The following LCMT1 variants were observed in gnomAD, a reference collection of about 807,000 sequenced individuals.
The protein encoded by LCMT1 is [Phosphatase 2A protein]-leucine-carboxy methyltransferase 1.
In LCMT1, 32 loss-of-function variants were observed where a neutral mutation model predicts 47.7. That is an observed-to-expected ratio of 0.67 (90% CI 0.51 to 0.90). The LOEUF is 0.90. Among genes scored for constraint, LCMT1 ranks in the 40% least tolerant of loss-of-function variants. The probability of loss-of-function intolerance (pLI) is 0.00; values close to 1 mark genes in which losing one functional copy is unlikely to be tolerated. For missense variants in LCMT1, 375 were observed against 415.2 expected (o/e 0.90, Z 0.84); for synonymous variants, 152 against 149.7 (o/e 1.02, Z -0.11).
chr16:25,166,027 G>C (rs1447100376), intron 7 of LCMT1, among the ~76,000 whole-genome samples: 1 of 151,850 alleles, frequency 6.6e-6, no homozygotes, highest in Non-Finnish European at 1.5e-5. Context: ...CAGCACTTTA[G>C]GGAGGCCAAG....
intron 7 of LCMT1, among the ~76,000 whole-genome samples, chr16:25,166,939 G>T (rs1961607184): frequency 6.6e-6 from 1 of 152,180 alleles, no homozygotes; most frequent in South Asian, 2.1e-4. Context: ...TTGCTTTCAG[G>T]ATAACCACAT....
intron 10 of LCMT1, among the ~76,000 whole-genome samples, chr16:25,177,348 C>T (rs1453203407): frequency 1.1e-4 from 16 of 152,100 alleles, no homozygotes; most frequent in Admixed American, 9.8e-4. Flanking sequence ...TTTTCCCTTC[C>T]CCTCTATTTC....
At chr16:25,140,434 C>T (rs1960650661) in intron 4 of LCMT1, 187 bp downstream of exon 4, 5 of 588,776 alleles carry the variant, frequency 8.5e-6, no homozygotes, top group Non-Finnish European at 1.2e-5. Flanking sequence ...ATGCAATATA[C>T]ATTTCCTTAT....
At chr16:25,123,884 C>T (rs1017345184) in intron 1 of LCMT1, among the ~76,000 whole-genome samples, 2 of 152,160 alleles carry the variant, frequency 1.3e-5, no homozygotes, top group African/African-American at 4.8e-5. Flanking sequence ...GCTGGGATCA[C>T]AAGCGTGAGC....
chr16:25,168,972 C>T (rs972259391), intron 7 of LCMT1, 140 bp from the exon 8 acceptor site: 14 of 637,278 alleles, frequency 2.2e-5, no homozygotes, highest in Non-Finnish European at 3.1e-5. Flanking sequence ...TGCTGGTGCC[C>T]GCCCCTCAGT....
rs767828759 is a variant in LCMT1, at chr16:25,161,143, G to A, written c.508G>A (p.Ala170Thr). The change falls in exon 6 of 11, where the codon GCA (alanine) becomes ACA (threonine). Residue 170 changes from alanine to threonine, a missense_variant. Physicochemically the swap from Ala to Thr is moderately conservative, Grantham distance 58 (BLOSUM62 0). Coordinates refer to ENST00000399069, the MANE Select transcript of LCMT1 (RefSeq NM_016309.3). ...TTCAAAGAGATATGCCGTTATTGGA[G>A]CAGATCTCCGAGACCTGTCTGAACT... ...LDSKRYAVIG[A>T]DLRDLSELEE... The A allele has an allele frequency of 1.2e-6, 2 of 1,611,150 alleles. No individual in the cohort carries two copies. The highest frequency in any genetic ancestry group is 4.5e-5 in the East Asian group (2 of 44,834).
At position 25,164,686 on chromosome 16, in the gene LCMT1, T is replaced by G. The variant is rs1484412703; in HGVS notation, c.658T>G (p.Phe220Val). 1 of 1,614,012 alleles carries G rather than the reference T, an allele frequency of 6.2e-7. No homozygotes were observed. The highest frequency in any genetic ancestry group is 1.3e-5 in the African/African-American group (1 of 75,064). Reference sequence around the variant, plus strand: ...CCTCCTGAAGTGGGCAGCCAACAGTTTTGAGAGAGCCATGTTCATAAACTA... The same window carrying G: ...CCTCCTGAAGTGGGCAGCCAACAGTGTTGAGAGAGCCATGTTCATAAACTA... Reference protein sequence around the residue: ...ANLLKWAANSFERAMFINYEQ... With the variant: ...ANLLKWAANSVERAMFINYEQ... Residue 220 changes from phenylalanine (F) to valine (V), a missense_variant, in exon 7 of 11, where the codon TTT becomes GTT. Phe to Val is a conservative substitution (Grantham distance 50). Transcript: ENST00000399069.
At chr16:25,128,437 A>C (rs1329075339) in intron 1 of LCMT1, 38 bp from the exon 2 acceptor site, 6 of 1,488,490 alleles carry the variant, frequency 4.0e-6, no homozygotes, top group Non-Finnish European at 5.5e-6. Context: ...GAACCTACTC[A>C]ATCTCTACTC....
At chr16:25,121,527 CA>C (rs1280284995) in intron 1 of LCMT1, among the ~76,000 whole-genome samples, 1 of 152,090 alleles carries the variant, frequency 6.6e-6, no homozygotes, top group Non-Finnish European at 1.5e-5. Context: ...AGTTTGTTCT[CA>C]TACTGCTATG....
At chr16:25,116,614 A>T (rs542867911) in intron 1 of LCMT1, among the ~76,000 whole-genome samples, 17 of 151,980 alleles carry the variant, frequency 1.1e-4, no homozygotes, top group African/African-American at 3.9e-4. Flanking sequence ...AGGAGGTGTT[A>T]AAGAGATAAA....
chr16:25,176,261 G>A (rs181415782), intron 10 of LCMT1, among the ~76,000 whole-genome samples: 82 of 152,212 alleles, frequency 5.4e-4, no homozygotes, highest in Non-Finnish European at 9.6e-4. Flanking sequence ...TCTCCAGCCC[G>A]ATGGAGGCCA....
intron 7 of LCMT1, among the ~76,000 whole-genome samples, chr16:25,165,747 C>T (rs1961571640): frequency 6.6e-6 from 1 of 151,828 alleles, no homozygotes. Context: ...GAACTCATGA[C>T]CTCAAGTGAT....
chr16:25,171,435 C>CA (rs538610897), intron 9 of LCMT1, among the ~76,000 whole-genome samples: 21 of 150,564 alleles, frequency 1.4e-4, no homozygotes, highest in East Asian at 1.2e-3. Context: ...AACAAACAAA[C>CA]AAAAAAAAAC....
intron 8 of LCMT1, among the ~76,000 whole-genome samples, chr16:25,170,241 A>G (rs1961716094): frequency 6.6e-6 from 1 of 152,088 alleles, no homozygotes; most frequent in African/African-American, 2.4e-5. Flanking sequence ...AAATAAATAA[A>G]TAGGTTCATT....
At chr16:25,131,432 A>G (rs1288994897) in intron 2 of LCMT1, among the ~76,000 whole-genome samples, 2 of 152,230 alleles carry the variant, frequency 1.3e-5, no homozygotes, top group African/African-American at 4.8e-5. Context: ...TGTCCAATCC[A>G]TCGCGGATGA....
At chr16:25,154,303 G>T (rs1297549830) in intron 5 of LCMT1, among the ~76,000 whole-genome samples, 1 of 151,464 alleles carries the variant, frequency 6.6e-6, no homozygotes, top group Non-Finnish European at 1.5e-5. Context: ...GAGCCACTGG[G>T]CCTGGCTGAT....
intron 3 of LCMT1, 58 bp downstream of exon 3, chr16:25,132,581 T>C: frequency 6.4e-7 from 1 of 1,568,432 alleles, no homozygotes; most frequent in South Asian, 1.1e-5. Flanking sequence ...CGTTAGATTT[T>C]CACCTAATTC....
At chr16:25,127,078 A>G (rs2141641645) in intron 1 of LCMT1, among the ~76,000 whole-genome samples, 1 of 152,346 alleles carries the variant, frequency 6.6e-6, no homozygotes, top group Non-Finnish European at 1.5e-5. Flanking sequence ...TTGAAACAAA[A>G]GTAGGCTGGG....
chr16:25,169,517 T>C (rs1336156413), intron 8 of LCMT1: 5 of 229,162 alleles, frequency 2.2e-5, no homozygotes, highest in Admixed American at 5.1e-5. Flanking sequence ...GTATTTCTTA[T>C]ATTATCAGTG....
Sources: allele counts gnomAD v4.1 joint callset (sites outside exome capture counted in the v4.1 genomes callset), GRCh38; gene constraint gnomAD v4.1.1; transcripts MANE v1.5; gene names NCBI Gene and HGNC (gene_info 2026-07-23, HGNC 2026-07-21).